The following CNTNAP4 variants were observed in gnomAD, a reference collection of about 807,000 sequenced individuals.
CNTNAP4 encodes contactin associated protein family member 4, also known as contactin-associated protein-like 4.
In CNTNAP4, 98 loss-of-function variants were observed where a neutral mutation model predicts 148.4. The observed-to-expected ratio is 0.66, with a 90% CI of 0.56 to 0.78. The LOEUF (loss-of-function observed/expected upper bound fraction) is 0.78, where lower values mean the gene tolerates loss of function less well. Among genes scored for constraint, CNTNAP4 ranks in the 30% least tolerant of loss-of-function variants. The probability of loss-of-function intolerance (pLI) is 0.00; values close to 1 mark genes in which losing one functional copy is unlikely to be tolerated. For missense variants in CNTNAP4, 1,935 were observed against 1,565.6 expected (o/e 1.24, Z -3.98); for synonymous variants, 730 against 565.1 (o/e 1.29, Z -4.14).
chr16:76,546,555 G>A (rs1306284434), intron 21 of CNTNAP4, among the ~76,000 whole-genome samples: 1 of 152,168 alleles, frequency 6.6e-6, no homozygotes, highest in Non-Finnish European at 1.5e-5. Context: ...TCTAGTTACA[G>A]GAAGAGAAGC....
intron 1 of CNTNAP4, among the ~76,000 whole-genome samples, chr16:76,286,866 G>A (rs1958908894): frequency 6.6e-6 from 1 of 152,152 alleles, no homozygotes; most frequent in Admixed American, 6.6e-5. Context: ...TAGATGTTTA[G>A]GACTTAATTA....
At chr16:76,513,481 C>G (rs1430878532) in intron 15 of CNTNAP4, among the ~76,000 whole-genome samples, 2 of 152,112 alleles carry the variant, frequency 1.3e-5, no homozygotes, top group Admixed American at 6.5e-5. Flanking sequence ...CACAGTCCCA[C>G]ATAAGGATTT....
At chr16:76,538,388 C>A (rs947635175) in intron 19 of CNTNAP4, 48 bp downstream of exon 19, 8 of 1,330,136 alleles carry the variant, frequency 6.0e-6, no homozygotes, top group Non-Finnish European at 8.6e-6. Flanking sequence ...AGAACACTAG[C>A]TCTGTAATAA....
At chr16:76,349,047 A>G (rs548130242) in intron 2 of CNTNAP4, among the ~76,000 whole-genome samples, 3 of 152,244 alleles carry the variant, frequency 2.0e-5, no homozygotes, top group Admixed American at 1.3e-4. Context: ...AAGGGGCCCA[A>G]CGAATGTCTT....
chr16:76,460,310 T>C (rs2080892479), intron 8 of CNTNAP4, among the ~76,000 whole-genome samples: 1 of 151,722 alleles, frequency 6.6e-6, no homozygotes, highest in South Asian at 2.1e-4. Flanking sequence ...GGTTTCTCCA[T>C]GTTGGCCAGG....
intron 1 of CNTNAP4, among the ~76,000 whole-genome samples, chr16:76,282,304 A>G (rs1958718435): frequency 6.6e-6 from 1 of 151,928 alleles, no homozygotes; most frequent in Admixed American, 6.6e-5. Flanking sequence ...CACAGTTTTA[A>G]TCTCAAGTGG....
chr16:76,506,313 A>G (rs1202553815), intron 15 of CNTNAP4, among the ~76,000 whole-genome samples: 1 of 93,236 alleles, frequency 1.1e-5, no homozygotes, highest in African/African-American at 2.6e-5. Flanking sequence ...TATCCCAGAG[A>G]CTGTGATTCA....
At chr16:76,417,232 G>C (rs4427833) in intron 3 of CNTNAP4, among the ~76,000 whole-genome samples, 123,740 of 151,144 alleles carry the variant, frequency 0.82, 50,804 homozygotes, top group Non-Finnish European at 0.85. Flanking sequence ...GAATTAATAT[G>C]TATCATGCTT....
rs1313208621 is a variant in CNTNAP4, at chr16:76,553,400, A to G, written c.3560A>G (p.His1187Arg). The G allele has an allele frequency of 5.0e-6, 8 of 1,612,498 alleles. No homozygotes were observed. The highest frequency in any genetic ancestry group is 6.8e-6 in the Non-Finnish European group (8 of 1,179,238). ...APLKAALHPS[H>R]PDPVTVTGHV... ...CTGAAGGCAGCTCTGCACCCCAGCC[A>G]CCCAGACCCTGTCACTGTTACAGGA... is the stretch of plus-strand genomic sequence containing the variant. Residue 1187 changes from histidine to arginine, a missense_variant, in exon 22 of 24, where the codon CAC becomes CGC. His to Arg is a conservative substitution (Grantham distance 29). Coordinates refer to ENST00000611870, the MANE Select transcript of CNTNAP4 (RefSeq NM_033401.5).
At chr16:76,423,506 A>G (rs2079266673) in intron 3 of CNTNAP4, among the ~76,000 whole-genome samples, 1 of 152,234 alleles carries the variant, frequency 6.6e-6, no homozygotes, top group Non-Finnish European at 1.5e-5. Context: ...TTATTTTTGA[A>G]AAAAGATAAA....
chr16:76,311,378 TAA>T (rs1961089891), intron 1 of CNTNAP4, among the ~76,000 whole-genome samples: 1 of 152,164 alleles, frequency 6.6e-6, no homozygotes, highest in African/African-American at 2.4e-5. Context: ...TTCTGTCATG[TAA>T]AGAGTAAATG....
intron 3 of CNTNAP4, among the ~76,000 whole-genome samples, chr16:76,381,271 A>G (rs1262909172): frequency 1.3e-5 from 2 of 152,122 alleles, no homozygotes; most frequent in African/African-American, 4.8e-5. Context: ...TAACACAGAG[A>G]TTGTTGACAT....
chr16:76,389,242 T>C (rs1326866677), intron 3 of CNTNAP4, among the ~76,000 whole-genome samples: 2 of 152,194 alleles, frequency 1.3e-5, no homozygotes, highest in African/African-American at 2.4e-5. Flanking sequence ...ATTTGTCTCA[T>C]ATAGATGTTA....
At chr16:76,505,159 T>G (rs1352215094) in intron 15 of CNTNAP4, among the ~76,000 whole-genome samples, 3 of 152,150 alleles carry the variant, frequency 2.0e-5, no homozygotes, top group African/African-American at 7.2e-5. Flanking sequence ...ATAGTCAGTT[T>G]TTTGTTATTA....
At chr16:76,357,208 G>C (rs1353110278) in intron 3 of CNTNAP4, among the ~76,000 whole-genome samples, 1 of 152,094 alleles carries the variant, frequency 6.6e-6, no homozygotes, top group East Asian at 1.9e-4. Flanking sequence ...TATTTAACTA[G>C]ATGTTTGGAT....
Position 76,403,098 on chromosome 16 carries a change from T to A in CNTNAP4, c.391-24354T>A, listed in dbSNP as rs557201563. ...CTGTTGTTGTTGTTGGGTTTTATTTTTTTTTTTTTTTTGAGACGAAGTCTC... is the reference window on the plus strand; with the variant it reads ...CTGTTGTTGTTGTTGGGTTTTATTTATTTTTTTTTTTTGAGACGAAGTCTC... On this transcript the variant is annotated intron_variant, in intron 3 of 23. Coordinates refer to ENST00000611870, the MANE Select transcript of CNTNAP4 (RefSeq NM_033401.5). Among the ~76,000 whole-genome samples, 614 of 151,262 alleles carry A rather than the reference T, an allele frequency of 4.1e-3. 4 individuals are homozygous for A. Among genetic ancestry groups the A allele is most frequent in the African/African-American group, 0.01 (422 of 41,382 alleles).
intron 1 of CNTNAP4, among the ~76,000 whole-genome samples, chr16:76,301,721 C>T (rs939344832): frequency 6.6e-6 from 1 of 152,090 alleles, no homozygotes; most frequent in Non-Finnish European, 1.5e-5. Context: ...GCAAGGTCTC[C>T]AAGTGAGGAG....
intron 3 of CNTNAP4, among the ~76,000 whole-genome samples, chr16:76,364,257 A>AAAG: frequency 6.6e-6 from 1 of 150,976 alleles, no homozygotes; most frequent in Non-Finnish European, 1.5e-5. Context: ...AAAAAAAAAA[A>AAAG]AACAGAAAAG....
At chr16:76,409,898 A>G (rs1170686603) in intron 3 of CNTNAP4, among the ~76,000 whole-genome samples, 1 of 151,906 alleles carries the variant, frequency 6.6e-6, no homozygotes, top group Non-Finnish European at 1.5e-5. Context: ...ATACAACACA[A>G]CAATCACAAC....
Sources: gnomAD v4.1 joint callset for allele counts (sites outside exome capture counted in the v4.1 genomes callset) on GRCh38, gnomAD v4.1.1 for gene constraint, MANE v1.5 for transcripts, NCBI Gene and HGNC (gene_info 2026-07-23, HGNC 2026-07-21) for gene names.